Variants in GREB1L observed in about 807,000 individuals in gnomAD.
GREB1L encodes GREB1 like retinoic acid receptor coactivator.
GREB1L carries 17 observed loss-of-function variants against 200.8 expected under a neutral mutation model. That is an observed-to-expected ratio of 0.08 (90% CI 0.06 to 0.13). The LOEUF (loss-of-function observed/expected upper bound fraction) is 0.13, where lower values mean the gene tolerates loss of function less well. GREB1L is among the 10% of genes least tolerant of loss of function. The probability of loss-of-function intolerance (pLI) is 1.00; values close to 1 mark genes in which losing one functional copy is unlikely to be tolerated. For synonymous variants in GREB1L, 789 were observed against 893.0 expected (o/e 0.88, Z 2.08); for missense variants, 1,657 against 2,367.7 (o/e 0.70, Z 6.23).
intron 1 of GREB1L, among the ~76,000 whole-genome samples, chr18:21,312,979 A>G (rs1421035011): frequency 6.6e-6 from 1 of 152,006 alleles, no homozygotes; most frequent in African/African-American, 2.4e-5. Context: ...CTTCTTTTCA[A>G]AAGTGTCTGT....
rs572979978 is a variant in GREB1L at position 21,523,878 on chromosome 18, G to A, written c.*1057G>A. On this transcript the variant is annotated 3_prime_UTR_variant, in exon 33 of 33. Coordinates refer to ENST00000424526, the MANE Select transcript of GREB1L (RefSeq NM_001142966.3). ...TGTTTTTTTACTTAATCTTACCAGT[G>A]ACTCTTGTGAGGAGTAAGGAAGACT... 67 of 152,316 alleles carry A rather than the reference G, an allele frequency of 4.4e-4. No individual in the cohort carries two copies. Among genetic ancestry groups the A allele is most frequent in the African/African-American group, 1.6e-3 (67 of 41,560 alleles). The allele number at this position is 152,316 out of a possible 1,614,324, so 9.4% of individuals were successfully genotyped here.
At position 21,500,121 on chromosome 18, in the gene GREB1L, G is replaced by A. The variant is rs541430094; in HGVS notation, c.3784G>A (p.Val1262Met). The A allele has an allele frequency of 1.2e-5, 19 of 1,551,668 alleles. No homozygotes were observed. The highest frequency in any genetic ancestry group is 3.6e-5 in the South Asian group (3 of 84,068). ...CTCCTCCCTGCTGCCCCACGCCGAC[G>A]TGGCCTGGGTGAGCTCCCTGCGGCC... Reference protein sequence around the residue: ...SSSSLLPHADVAWVSSLRPLL... With the variant: ...SSSSLLPHADMAWVSSLRPLL... Residue 1262 changes from valine to methionine, a missense_variant, in exon 22 of 33, where the codon GTG (valine) becomes ATG (methionine). Coordinates refer to ENST00000424526, the MANE Select transcript of GREB1L (RefSeq NM_001142966.3).
chr18:21,482,256 T>C (rs2035949824), intron 17 of GREB1L, among the ~76,000 whole-genome samples: 1 of 152,142 alleles, frequency 6.6e-6, no homozygotes, highest in Non-Finnish European at 1.5e-5. Context: ...AAAGAAGTTT[T>C]TTGTTTTGTT....
At chr18:21,512,854 G>A (rs2037288928) in intron 27 of GREB1L, among the ~76,000 whole-genome samples, 1 of 152,096 alleles carries the variant, frequency 6.6e-6, no homozygotes, top group South Asian at 2.1e-4. Flanking sequence ...CACGTTCTTG[G>A]AAGGTAGATT....
chr18:21,520,900 T>G lies in GREB1L; in HGVS notation c.5608+77T>G, dbSNP rs1193000673. On this transcript the variant is annotated intron_variant, in intron 32 of 32. Transcript: ENST00000424526. Reference sequence around the variant, plus strand: ...AAAATACAGAAGATAAAGATATTTTTAAAAAGCACTTGAGGCCAGGCGCAG... The same window carrying G: ...AAAATACAGAAGATAAAGATATTTTGAAAAAGCACTTGAGGCCAGGCGCAG... 3 of 1,321,762 alleles carry G rather than the reference T, an allele frequency of 2.3e-6. No individual in the cohort carries two copies. The Admixed American group carries it at 8.8e-5, about 39-fold the overall frequency. The allele number at this position is 1,321,762 out of a possible 1,614,324, so 81.9% of individuals were successfully genotyped here.
chr18:21,324,501 TTTAATC>T (rs1372489740), intron 1 of GREB1L, among the ~76,000 whole-genome samples: 6 of 152,218 alleles, frequency 3.9e-5, no homozygotes, highest in Non-Finnish European at 8.8e-5. Context: ...ACTTTTTTGT[TTTAATC>T]TTTATCATTA....
At chr18:21,293,555 C>T (rs1382804017) in intron 1 of GREB1L, among the ~76,000 whole-genome samples, 2 of 152,182 alleles carry the variant, frequency 1.3e-5, no homozygotes, top group African/African-American at 2.4e-5. Flanking sequence ...ATGTGATGAC[C>T]TTCGTGCTAG....
intron 1 of GREB1L, among the ~76,000 whole-genome samples, chr18:21,347,979 C>G (rs1414981187): frequency 9.1e-6 from 1 of 109,820 alleles, no homozygotes; most frequent in Non-Finnish European, 1.7e-5. Context: ...GAGTCTTGCT[C>G]TGTCGCCCAG....
intron 1 of GREB1L, among the ~76,000 whole-genome samples, chr18:21,330,671 G>C (rs184681547): frequency 1.7e-4 from 26 of 152,066 alleles, no homozygotes; most frequent in Non-Finnish European, 2.5e-4. Flanking sequence ...TTCCACTGAG[G>C]GGGGTAAGAA....
chr18:21,301,309 GT>G (rs1295346535), intron 1 of GREB1L, among the ~76,000 whole-genome samples: 1 of 152,142 alleles, frequency 6.6e-6, no homozygotes, highest in Non-Finnish European at 1.5e-5. Flanking sequence ...TTTCCTTGAG[GT>G]GCTGGTATCT....
At chr18:21,453,943 C>T (rs1452221235) in intron 14 of GREB1L, among the ~76,000 whole-genome samples, 2 of 152,184 alleles carry the variant, frequency 1.3e-5, no homozygotes, top group African/African-American at 2.4e-5. Context: ...ATGGCATCCC[C>T]TCTTTCCTTG....
rs543335650 is a variant in GREB1L at position 21,449,432 on chromosome 18, T to G, written c.1394-78T>G. ...GTATGTATGATGGGCTGAGAAGGAC[T>G]GCAGGAAAGCATATGGGTGTGTGTG... On this transcript the variant is annotated intron_variant, in intron 11 of 32. Transcript: ENST00000424526. The G allele has an allele frequency of 9.1e-5, 76 of 837,078 alleles. No homozygotes were observed. In the Admixed American group the frequency reaches 1.5e-3, roughly 17 times the overall value. 51.9% of individuals were successfully genotyped at this position (837,078 alleles called of 1,614,324 possible). A position where few individuals can be genotyped will look rare whatever the true frequency, so the allele number is the denominator to read the frequency against.
chr18:21,457,564 T>C (rs1044772779), intron 15 of GREB1L, among the ~76,000 whole-genome samples: 9 of 152,244 alleles, frequency 5.9e-5, no homozygotes, highest in African/African-American at 2.2e-4. Context: ...GTTCCACCTC[T>C]CTTCCCTACC....
chr18:21,395,710 T>C, intron 5 of GREB1L, 149 bp downstream of exon 5: 1 of 594,048 alleles, frequency 1.7e-6, no homozygotes, highest in Non-Finnish European at 2.8e-6. Flanking sequence ...TTTTTTCTTT[T>C]AGTAACTTCT....
At chr18:21,304,711 G>T (rs768753030) in intron 1 of GREB1L, among the ~76,000 whole-genome samples, 5 of 150,078 alleles carry the variant, frequency 3.3e-5, no homozygotes, top group Non-Finnish European at 7.4e-5. Context: ...TTTAGAGAAA[G>T]AAAAAATAAA....
intron 1 of GREB1L, among the ~76,000 whole-genome samples, chr18:21,262,289 T>C (rs1337723090): frequency 6.6e-6 from 1 of 152,142 alleles, no homozygotes; most frequent in Admixed American, 6.6e-5. Flanking sequence ...TCTTTTTTTT[T>C]GCTCCTTCTC....
chr18:21,447,317 A>T (rs535870125), intron 11 of GREB1L, among the ~76,000 whole-genome samples: 71 of 152,240 alleles, frequency 4.7e-4, no homozygotes, highest in African/African-American at 7.9e-4. Context: ...AAATTTTTTT[A>T]AAAGGCTGAG....
intron 4 of GREB1L, among the ~76,000 whole-genome samples, chr18:21,385,945 A>G (rs1326148659): frequency 6.6e-6 from 1 of 152,196 alleles, no homozygotes; most frequent in Admixed American, 6.5e-5. Context: ...GGTGTTTTTT[A>G]TAAGCAGGTA....
intron 2 of GREB1L, among the ~76,000 whole-genome samples, chr18:21,373,671 T>TA (rs1368288629): frequency 6.6e-6 from 1 of 152,170 alleles, no homozygotes; most frequent in East Asian, 1.9e-4. Flanking sequence ...ATTCTTCTTT[T>TA]AAAAAAATTC....
Sources: gnomAD v4.1 joint callset for allele counts (sites outside exome capture counted in the v4.1 genomes callset) on GRCh38, gnomAD v4.1.1 for gene constraint, MANE v1.5 for transcripts, NCBI Gene and HGNC (gene_info 2026-07-23, HGNC 2026-07-21) for gene names.